Variants in HYAL4 observed in about 807,000 individuals in gnomAD.
HYAL4 encodes hyaluronidase-4.
A neutral mutation model predicts 35.2 loss-of-function variants in HYAL4; 37 were observed. The ratio of observed to expected loss-of-function variants is 1.05; its 90% CI spans 0.81 to 1.38. The LOEUF is 1.38. Among genes scored for constraint, HYAL4 ranks in the 40% most tolerant of loss-of-function variants. The pLI is 0.00. For synonymous variants in HYAL4, 198 were observed against 203.2 expected (o/e 0.97, Z 0.22); for missense variants, 572 against 572.4 (o/e 1.00, Z 0.01).
At position 123,876,909 on chromosome 7, in the gene HYAL4, G is replaced by C. The variant is rs1453423304; in HGVS notation, c.1200G>C (p.Leu400Phe). The C allele has an allele frequency of 6.2e-7, 1 of 1,614,058 alleles. No individual in the cohort carries two copies. Among genetic ancestry groups the C allele is most frequent in the Admixed American group, 1.7e-5 (1 of 59,994 alleles). The change falls in exon 5 of 5, where the codon TTG (leucine) becomes TTC (phenylalanine). Residue 400 changes from leucine to phenylalanine, a missense_variant. Coordinates refer to ENST00000223026, the MANE Select transcript of HYAL4 (RefSeq NM_012269.3). The part of the protein sequence containing the change: ...KMWNAPSYLH[L>F]NPASYHIEAS... ...GGAACGCGCCCAGTTACCTTCACTT[G>C]AACCCTGCAAGTTACCACATAGAGG...
chr7:123,847,593 C>G lies in HYAL4; in HGVS notation c.-121-496C>G, dbSNP rs565657127. ...GAGATCAAGACCATCCTGGCTAACA[C>G]GGTGAAACCCCGTCTCTACTGAAAA... is the stretch of plus-strand genomic sequence containing the variant. On this transcript the variant is annotated intron_variant, in intron 1 of 4. Coordinates refer to ENST00000223026, the MANE Select transcript of HYAL4 (RefSeq NM_012269.3). Among the ~76,000 whole-genome samples, 5 of 152,138 alleles carry G rather than the reference C, an allele frequency of 3.3e-5. No homozygotes were observed. The East Asian group carries it at 9.7e-4, about 29-fold the overall frequency.
chr7:123,864,838 C>T (rs1235368376), intron 2 of HYAL4, among the ~76,000 whole-genome samples: 1 of 151,528 alleles, frequency 6.6e-6, no homozygotes, highest in Non-Finnish European at 1.5e-5. Context: ...GGAGGGCACA[C>T]CAGTGCCCTG....
chr7:123,765,391 A>G, the HYAL4 span, among the ~76,000 whole-genome samples: 1 of 152,198 alleles, frequency 6.6e-6, no homozygotes, highest in Admixed American at 6.5e-5. Flanking sequence ...TTGCAAGTCA[A>G]GAGTTTAAAA....
chr7:123,855,992 G>A (rs1000474356), intron 2 of HYAL4, among the ~76,000 whole-genome samples: 12 of 151,118 alleles, frequency 7.9e-5, no homozygotes, highest in African/African-American at 2.9e-4. Context: ...GATTGATTTG[G>A]CTATTGATAC....
chr7:123,863,442 AGCCATG>A, intron 2 of HYAL4, among the ~76,000 whole-genome samples: 1 of 152,160 alleles, frequency 6.6e-6, no homozygotes, highest in East Asian at 1.9e-4. Flanking sequence ...CACCATGGGA[AGCCATG>A]GGGTGTCTCA....
chr7:123,787,868 A>G, the HYAL4 span, among the ~76,000 whole-genome samples: 50 of 152,344 alleles, frequency 3.3e-4, no homozygotes, highest in African/African-American at 1.0e-3. Flanking sequence ...ACAGCAGGGA[A>G]ATCCAAAAAT....
rs368031588 is a variant in HYAL4 at position 123,855,557 on chromosome 7, C to G, written c.-52+7399C>G. On this transcript the variant is annotated intron_variant, in intron 2 of 4. Transcript: ENST00000223026. The stretch of plus-strand genomic sequence containing the variant: ...TTCTTCTGGCTTGTAGGGTTTCTGC[C>G]AAGAGATCTACTGTTAGTCTGATGG... Among the ~76,000 whole-genome samples the G allele has an allele frequency of 3.0e-4, 45 of 152,216 alleles. 1 individual carries two copies. The highest frequency in any genetic ancestry group is 1.1e-3 in the African/African-American group (44 of 41,550).
upstream of HYAL4, among the ~76,000 whole-genome samples, chr7:123,841,651 A>C (rs1806068638): frequency 6.6e-6 from 1 of 151,976 alleles, no homozygotes; most frequent in Non-Finnish European, 1.5e-5. Flanking sequence ...TAGGCTATTA[A>C]TTACTGCCTC....
At chr7:123,847,034 CTG>C (rs1584914168) in intron 1 of HYAL4, among the ~76,000 whole-genome samples, 1 of 152,194 alleles carries the variant, frequency 6.6e-6, no homozygotes, top group East Asian at 1.9e-4. Context: ...TTCAGATGGT[CTG>C]TGAGTGCTCT....
the HYAL4 span, among the ~76,000 whole-genome samples, chr7:123,800,270 C>T: frequency 1.3e-5 from 2 of 150,480 alleles, no homozygotes; most frequent in African/African-American, 4.9e-5. Flanking sequence ...CCCGGGTTCA[C>T]GCCATTCTCC....
the HYAL4 span, among the ~76,000 whole-genome samples, chr7:123,769,858 C>T: frequency 6.7e-6 from 1 of 149,074 alleles, no homozygotes; most frequent in East Asian, 2.0e-4. Context: ...AAAAAGTTGA[C>T]CACTTACTAA....
At chr7:123,796,339 C>A in the HYAL4 span, among the ~76,000 whole-genome samples, 1 of 152,070 alleles carries the variant, frequency 6.6e-6, no homozygotes, top group African/African-American at 2.4e-5. Context: ...AGAAGAGAAT[C>A]TGGAAAAAAA....
At chr7:123,826,549 G>A (rs1805804644), upstream of HYAL4, among the ~76,000 whole-genome samples, 1 of 152,120 alleles carries the variant, frequency 6.6e-6, no homozygotes, top group East Asian at 1.9e-4. Context: ...TTAACATGTA[G>A]TATTCCAGTT....
chr7:123,857,669 G>GTTTCTTTCTTTGTTTCTTTC (rs1806478263), intron 2 of HYAL4, among the ~76,000 whole-genome samples: 15 of 124,652 alleles, frequency 1.2e-4, no homozygotes, highest in African/African-American at 3.9e-4. Context: ...TTCTTTGTTT[G>GTTTCTTTCTTTGTTTCTTTC]TTTCTTTCTT....
At chr7:123,773,990 T>C in the HYAL4 span, among the ~76,000 whole-genome samples, 11 of 152,230 alleles carry the variant, frequency 7.2e-5, no homozygotes, top group Admixed American at 6.5e-4. Flanking sequence ...TGAGACATGG[T>C]CTCGCATGTT....
chr7:123,796,531 C>T, the HYAL4 span, among the ~76,000 whole-genome samples: 1 of 152,294 alleles, frequency 6.6e-6, no homozygotes, highest in East Asian at 1.9e-4. Context: ...GCCTAAAAAT[C>T]AGGCAGTCTG....
chr7:123,830,229 T>C (rs1163794682), intron 1 of HYAL4, among the ~76,000 whole-genome samples: 1 of 152,232 alleles, frequency 6.6e-6, no homozygotes, highest in Non-Finnish European at 1.5e-5. Flanking sequence ...CTCATAAAAA[T>C]GAGTATCATC....
the HYAL4 span, chr7:123,790,538 C>A: frequency 2.0e-5 from 3 of 150,264 alleles, no homozygotes; most frequent in Non-Finnish European, 4.4e-5. Context: ...GTGCAAAGTA[C>A]CTTTATGGAT....
chr7:123,813,362 G>A, the HYAL4 span, among the ~76,000 whole-genome samples: 17 of 152,122 alleles, frequency 1.1e-4, no homozygotes, highest in African/African-American at 3.4e-4. Flanking sequence ...GGCAGTTTTC[G>A]TCCCAACAGA....
Sources: gnomAD v4.1 joint callset for allele counts (sites outside exome capture counted in the v4.1 genomes callset) on GRCh38, gnomAD v4.1.1 for gene constraint, MANE v1.5 for transcripts, NCBI Gene and HGNC (gene_info 2026-07-23, HGNC 2026-07-21) for gene names.